The following IL1RAPL1 variants were observed in gnomAD, a reference collection of about 807,000 sequenced individuals.
The protein encoded by IL1RAPL1 is interleukin 1 receptor accessory protein like 1, also known as interleukin-1 receptor accessory protein-like 1.
IL1RAPL1 carries 3 observed loss-of-function variants against 48.4 expected under a neutral mutation model. The observed-to-expected ratio is 0.06, with a 90% CI of 0.03 to 0.16. The LOEUF is 0.16. Ranked by LOEUF, IL1RAPL1 falls within the 10% of genes least tolerant of loss-of-function variation. IL1RAPL1 has a pLI of 1.00. For synonymous variants in IL1RAPL1, 185 were observed against 187.7 expected, an observed-to-expected ratio of 0.99 and a Z score of 0.12; for missense variants, 349 against 530.6, an observed-to-expected ratio of 0.66 and a Z score of 3.36.
intron 6 of IL1RAPL1, among the ~76,000 whole-genome samples, chrX:29,914,096 G>A (rs1170625580): frequency 9.0e-6 from 1 of 110,926 alleles, no homozygotes; most frequent in Non-Finnish European, 1.9e-5. Context: ...GTTCTCCTAG[G>A]TGTCCCCATA....
In IL1RAPL1 at chrX:29,765,839, G is replaced by A. The variant is rs755356030; in HGVS notation, c.778+97335G>A. On this transcript the variant is annotated intron_variant, in intron 6 of 10. Coordinates refer to ENST00000378993, the MANE Select transcript of IL1RAPL1 (RefSeq NM_014271.4). ...TACCATATGTTCTCACTTACAAGTG[G>A]GAACTAAGCTATGGGTACACAAACG... 6.3e-5 allele frequency among the ~76,000 whole-genome samples: 7 copies of A among 110,633 alleles called. No individual in the cohort carries two copies. The South Asian group carries it at 2.7e-3, about 43-fold the overall frequency.
intron 2 of IL1RAPL1, among the ~76,000 whole-genome samples, chrX:28,903,340 G>A (rs1923128687): frequency 9.1e-6 from 1 of 110,386 alleles, no homozygotes; most frequent in Non-Finnish European, 1.9e-5. Flanking sequence ...GGCTGGTCTC[G>A]AACTACTACT....
chrX:29,476,127 A>G (rs1934970908), intron 5 of IL1RAPL1, among the ~76,000 whole-genome samples: 2 of 111,323 alleles, frequency 1.8e-5, no homozygotes, highest in African/African-American at 6.5e-5. Context: ...CCTAATCTGG[A>G]TGGATTAGCC....
At chrX:29,262,272 G>C (rs1267876065) in intron 2 of IL1RAPL1, among the ~76,000 whole-genome samples, 1 of 112,187 alleles carries the variant, frequency 8.9e-6, no homozygotes, top group Non-Finnish European at 1.9e-5. Flanking sequence ...GAAATAATGA[G>C]TTTATTTTGT....
At chrX:29,063,821 C>T (rs1288706393) in intron 2 of IL1RAPL1, among the ~76,000 whole-genome samples, 2 of 112,133 alleles carry the variant, frequency 1.8e-5, no homozygotes, top group East Asian at 5.6e-4. Context: ...AAATTCAGTG[C>T]TTCCCCAACA....
At chrX:29,589,321 T>C (rs1366239321) in intron 5 of IL1RAPL1, among the ~76,000 whole-genome samples, 4 of 111,926 alleles carry the variant, frequency 3.6e-5, no homozygotes, top group Non-Finnish European at 7.5e-5. Context: ...AATGTATTCA[T>C]AGTTAGCGAG....
intron 6 of IL1RAPL1, among the ~76,000 whole-genome samples, chrX:29,775,604 T>C (rs773274915): frequency 9.0e-6 from 1 of 111,070 alleles, no homozygotes; most frequent in South Asian, 3.9e-4. Flanking sequence ...ATATCATAAG[T>C]GCTAAAAGAG....
At chrX:29,776,568 C>T (rs1344396575) in intron 6 of IL1RAPL1, among the ~76,000 whole-genome samples, 1 of 111,660 alleles carries the variant, frequency 9.0e-6, no homozygotes, top group African/African-American at 3.3e-5. Context: ...TATCATTTTC[C>T]ACAGTTGGAA....
At chrX:29,845,780 G>A (rs899043893) in intron 6 of IL1RAPL1, among the ~76,000 whole-genome samples, 5 of 111,465 alleles carry the variant, frequency 4.5e-5, no homozygotes, top group Non-Finnish European at 9.4e-5. Flanking sequence ...TAGGAAGCAT[G>A]GTGGCATCTA....
chrX:28,960,401 T>C (rs1924737116), intron 2 of IL1RAPL1, among the ~76,000 whole-genome samples: 1 of 111,896 alleles, frequency 8.9e-6, no homozygotes, highest in Non-Finnish European at 1.9e-5. Flanking sequence ...GGACTGATAA[T>C]AGTTACGGCT....
intron 2 of IL1RAPL1, among the ~76,000 whole-genome samples, chrX:28,909,517 T>A (rs956956251): frequency 1.8e-5 from 2 of 111,433 alleles, no homozygotes; most frequent in South Asian, 7.4e-4. Context: ...TTTATAAACA[T>A]CTTCATTTTT....
chrX:29,094,771 CAAAAAAAAAAAAA>C (rs1163805144), intron 2 of IL1RAPL1, among the ~76,000 whole-genome samples: 1 of 5,907 alleles, frequency 1.7e-4, no homozygotes, highest in African/African-American at 5.4e-4. Flanking sequence ...AACTCCATCT[CAAAAAAAAAAAAA>C]AAAAAAAAAA....
chrX:28,815,510 G>A (rs1936853250), intron 2 of IL1RAPL1, among the ~76,000 whole-genome samples: 1 of 108,059 alleles, frequency 9.3e-6, no homozygotes, highest in African/African-American at 3.3e-5. Flanking sequence ...ATAGATTAAT[G>A]TTAACTGTAG....
chrX:29,305,761 G>T, intron 3 of IL1RAPL1, among the ~76,000 whole-genome samples: 1 of 111,356 alleles, frequency 9.0e-6, no homozygotes, highest in Admixed American at 9.5e-5. Flanking sequence ...GAAGAGAAGG[G>T]GATACTAAGG....
chrX:29,823,997 G>A (rs779119897), intron 6 of IL1RAPL1, among the ~76,000 whole-genome samples: 37 of 111,273 alleles, frequency 3.3e-4, no homozygotes, highest in African/African-American at 1.2e-3. Flanking sequence ...CACATCCCCG[G>A]ATACCCATGT....
At chrX:29,249,233 T>C (rs1261417057) in intron 2 of IL1RAPL1, among the ~76,000 whole-genome samples, 1 of 111,593 alleles carries the variant, frequency 9.0e-6, no homozygotes, top group Non-Finnish European at 1.9e-5. Flanking sequence ...ACATTTTATA[T>C]CTTATTGTAT....
intron 2 of IL1RAPL1, among the ~76,000 whole-genome samples, chrX:28,982,688 A>T (rs1381648546): frequency 8.9e-6 from 1 of 112,018 alleles, no homozygotes; most frequent in Non-Finnish European, 1.9e-5. Flanking sequence ...CTGGATCATA[A>T]GGTAAGTGCC....
At chrX:29,840,388 C>T (rs967195504) in intron 6 of IL1RAPL1, among the ~76,000 whole-genome samples, 4 of 111,834 alleles carry the variant, frequency 3.6e-5, no homozygotes, top group African/African-American at 9.8e-5. Flanking sequence ...CATTTAAATA[C>T]AGTCTGCCTA....
chrX:28,855,042 C>G (rs1394068400), intron 2 of IL1RAPL1, among the ~76,000 whole-genome samples: 2 of 111,667 alleles, frequency 1.8e-5, no homozygotes. Context: ...GTTTTTGAGA[C>G]AGGGTCTCAC....
Sources: gnomAD v4.1 joint callset for allele counts (sites outside exome capture counted in the v4.1 genomes callset) on GRCh38, gnomAD v4.1.1 for gene constraint, MANE v1.5 for transcripts, NCBI Gene and HGNC (gene_info 2026-07-23, HGNC 2026-07-21) for gene names.